FAM117B: variants seen among roughly 807,000 people sequenced by gnomAD.
FAM117B encodes family with sequence similarity 117 member B.
A neutral mutation model predicts 52.8 loss-of-function variants in FAM117B; 22 were observed. That is an observed-to-expected ratio of 0.42 (90% CI 0.30 to 0.59). The LOEUF is 0.59. Among genes scored for constraint, FAM117B ranks in the 20% least tolerant of loss-of-function variants. FAM117B has a pLI of 0.22. For missense variants in FAM117B, 678 were observed against 802.6 expected, an observed-to-expected ratio of 0.84 and a Z score of 1.88; for synonymous variants, 309 against 324.1, an observed-to-expected ratio of 0.95 and a Z score of 0.50.
At chr2:202,672,703 A>G (rs1396488774) in intron 1 of FAM117B, among the ~76,000 whole-genome samples, 3 of 152,146 alleles carry the variant, frequency 2.0e-5, no homozygotes, top group Non-Finnish European at 4.4e-5. Context: ...GTATCTATGT[A>G]TATCATAATT....
chr2:202,712,321 A>G (rs1345033680), intron 2 of FAM117B, among the ~76,000 whole-genome samples: 1 of 148,858 alleles, frequency 6.7e-6, no homozygotes, highest in East Asian at 2.0e-4. Context: ...TACTTTGCTG[A>G]TTTCTTTTTC....
chr2:202,668,794 G>A (rs957043795), intron 1 of FAM117B, among the ~76,000 whole-genome samples: 2 of 152,094 alleles, frequency 1.3e-5, no homozygotes, highest in East Asian at 1.9e-4. Flanking sequence ...TCTAAGGGCT[G>A]TGTTTATTTC....
At chr2:202,724,867 G>A (rs745502910) in intron 2 of FAM117B, 50 bp from the exon 3 acceptor site, 1 of 1,340,088 alleles carries the variant, frequency 7.5e-7, no homozygotes, top group Non-Finnish European at 1.0e-6. Flanking sequence ...GGTAGACATT[G>A]TTGTGAAATG....
chr2:202,669,531 A>AT (rs201969911), intron 1 of FAM117B, among the ~76,000 whole-genome samples: 61 of 150,234 alleles, frequency 4.1e-4, no homozygotes, highest in Non-Finnish European at 6.1e-4. Flanking sequence ...AATTTTCTAG[A>AT]TTTTTTTTTT....
At chr2:202,759,198 A>G in intron 6 of FAM117B, 35 bp from the exon 7 acceptor site, 1 of 1,611,542 alleles carries the variant, frequency 6.2e-7, no homozygotes, top group Non-Finnish European at 8.5e-7. Flanking sequence ...ATGACTATAC[A>G]TTTATGTAGT....
At chr2:202,754,673 G>T (rs1574305331) in intron 4 of FAM117B, among the ~76,000 whole-genome samples, 1 of 151,902 alleles carries the variant, frequency 6.6e-6, no homozygotes, top group East Asian at 1.9e-4. Flanking sequence ...CGGATCACAA[G>T]GTCAGGAGTT....
intron 1 of FAM117B, among the ~76,000 whole-genome samples, chr2:202,645,283 C>CTT (rs538990959): frequency 4.3e-5 from 6 of 138,350 alleles, no homozygotes; most frequent in Admixed American, 1.4e-4. Flanking sequence ...TTTTTTCTTT[C>CTT]TTTTTTTTTT....
At chr2:202,716,923 G>C (rs551066660) in intron 2 of FAM117B, among the ~76,000 whole-genome samples, 17 of 152,130 alleles carry the variant, frequency 1.1e-4, no homozygotes, top group African/African-American at 3.4e-4. Context: ...TTCCTTCTCT[G>C]TGTTATCTGG....
intron 1 of FAM117B, among the ~76,000 whole-genome samples, chr2:202,693,117 G>A (rs1444140392): frequency 6.6e-6 from 1 of 152,054 alleles, no homozygotes; most frequent in Admixed American, 6.6e-5. Context: ...AGATATTTTT[G>A]TATTTTTAAG....
At chr2:202,655,356 A>G (rs1690036043) in intron 1 of FAM117B, among the ~76,000 whole-genome samples, 1 of 152,042 alleles carries the variant, frequency 6.6e-6, no homozygotes, top group Non-Finnish European at 1.5e-5. Context: ...TTTTTTGGTG[A>G]ACCTTGTTTT....
chr2:202,640,414 A>G (rs1307744705), intron 1 of FAM117B, among the ~76,000 whole-genome samples: 2 of 141,486 alleles, frequency 1.4e-5, no homozygotes, highest in Non-Finnish European at 3.0e-5. Context: ...TCGTTTGTTT[A>G]TTGGAGTTGG....
rs369032982 is a variant in FAM117B at position 202,737,755 on chromosome 2, C to A, written c.960+11392C>A. On this transcript the variant is annotated intron_variant, in intron 4 of 7. Coordinates refer to ENST00000392238, the MANE Select transcript of FAM117B (RefSeq NM_173511.4). Reference sequence around the variant, plus strand: ...TGGCTGGTACTACAGGCACACACCACCACGCCCAGCTAATTTTTGTATTTT... The same window carrying A: ...TGGCTGGTACTACAGGCACACACCAACACGCCCAGCTAATTTTTGTATTTT... 5.9e-5 allele frequency among the ~76,000 whole-genome samples: 9 copies of A among 152,222 alleles called. No homozygotes were observed. The East Asian group carries it at 9.6e-4, about 16-fold the overall frequency.
At chr2:202,657,083 A>G (rs1690066142) in intron 1 of FAM117B, among the ~76,000 whole-genome samples, 1 of 151,844 alleles carries the variant, frequency 6.6e-6, no homozygotes, top group Non-Finnish European at 1.5e-5. Flanking sequence ...TTTAATTTTA[A>G]TTTTATTTTA....
chr2:202,717,837 C>G (rs1476661244), intron 2 of FAM117B, among the ~76,000 whole-genome samples: 1 of 151,990 alleles, frequency 6.6e-6, no homozygotes, highest in Non-Finnish European at 1.5e-5. Context: ...GCCCTGGGCT[C>G]TGCAGTTAGT....
intron 1 of FAM117B, among the ~76,000 whole-genome samples, chr2:202,673,193 G>A (rs1690323690): frequency 6.6e-6 from 1 of 152,102 alleles, no homozygotes; most frequent in Admixed American, 6.5e-5. Flanking sequence ...TTGCAGTTTT[G>A]TTTTTTAATT....
At chr2:202,656,230 C>A (rs929093748) in intron 1 of FAM117B, among the ~76,000 whole-genome samples, 3 of 152,036 alleles carry the variant, frequency 2.0e-5, no homozygotes, top group African/African-American at 7.2e-5. Context: ...TCTCTGCTCT[C>A]GTCTTTATTT....
intron 1 of FAM117B, among the ~76,000 whole-genome samples, chr2:202,685,260 C>T (rs927196085): frequency 6.6e-6 from 1 of 152,178 alleles, no homozygotes. Flanking sequence ...GCTAGGATTA[C>T]AGGTGTGAGC....
At chr2:202,650,228 T>C (rs902370705) in intron 1 of FAM117B, among the ~76,000 whole-genome samples, 1 of 152,136 alleles carries the variant, frequency 6.6e-6, no homozygotes, top group Non-Finnish European at 1.5e-5. Flanking sequence ...AGTGAAGAAT[T>C]GATAGGATTT....
chr2:202,685,585 A>G lies in FAM117B; in HGVS notation c.602-10296A>G, dbSNP rs945737530. Among the ~76,000 whole-genome samples, 3 of 152,246 alleles carry G rather than the reference A, an allele frequency of 2.0e-5. No homozygotes were observed. In the East Asian group the frequency reaches 5.8e-4, roughly 29 times the overall value. On this transcript the variant is annotated intron_variant, in intron 1 of 7. Coordinates refer to ENST00000392238, the MANE Select transcript of FAM117B (RefSeq NM_173511.4). ...GAATAATTAAAATTAAAGAACTTACATTGCGTTTGGACAGAGGTACAGATA... is the reference window on the plus strand; with the variant it reads ...GAATAATTAAAATTAAAGAACTTACGTTGCGTTTGGACAGAGGTACAGATA...
Sources: allele counts gnomAD v4.1 joint callset (sites outside exome capture counted in the v4.1 genomes callset), GRCh38; gene constraint gnomAD v4.1.1; transcripts MANE v1.5; gene names NCBI Gene and HGNC (gene_info 2026-07-23, HGNC 2026-07-21).